The following UBE2K variants were observed in gnomAD, a reference collection of about 807,000 sequenced individuals.
The protein encoded by UBE2K is ubiquitin-conjugating enzyme E2 K.
UBE2K carries 6 observed loss-of-function variants against 30.0 expected under a neutral mutation model. The ratio of observed to expected loss-of-function variants is 0.20; its 90% CI spans 0.11 to 0.39. The LOEUF is 0.39. Among genes scored for constraint, UBE2K ranks in the 10% least tolerant of loss-of-function variants. UBE2K has a pLI of 1.00. For synonymous variants in UBE2K, 86 were observed against 83.7 expected, an observed-to-expected ratio of 1.03 and a Z score of -0.15; for missense variants, 61 against 241.6, an observed-to-expected ratio of 0.25 and a Z score of 4.96.
intron 1 of UBE2K, among the ~76,000 whole-genome samples, chr4:39,702,922 C>A (rs1718117477): frequency 1.3e-5 from 2 of 152,070 alleles, no homozygotes; most frequent in Non-Finnish European, 2.9e-5. Flanking sequence ...CAGCGCATGT[C>A]CCCACTATCT....
In UBE2K at chr4:39,733,332, A is replaced by ATTTT. The variant is rs34069872; in HGVS notation, c.64-4072_64-4069dup. ...ATTAATTTTGTAAAATCGGGCTTTA[A>ATTTT]TTTTTTTTTTTTTTTTTTTGAGACA... On this transcript the variant is annotated intron_variant, in intron 1 of 6. Transcript: ENST00000261427. Among the ~76,000 whole-genome samples, 34 of 128,996 alleles carry ATTTT rather than the reference A, an allele frequency of 2.6e-4. 1 individual carries two copies. The highest frequency in any genetic ancestry group is 3.8e-3 in the Middle Eastern group (1 of 260). 84.6% of individuals were successfully genotyped at this position (128,996 alleles called of 152,430 possible).
chr4:39,710,933 A>G (rs982318253), intron 1 of UBE2K, among the ~76,000 whole-genome samples: 15 of 152,066 alleles, frequency 9.9e-5, no homozygotes, highest in African/African-American at 3.6e-4. Context: ...ACTGTAAAAC[A>G]TAGAGGTAAA....
At chr4:39,746,568 A>G (rs564001251) in intron 3 of UBE2K, among the ~76,000 whole-genome samples, 2 of 152,304 alleles carry the variant, frequency 1.3e-5, no homozygotes, top group African/African-American at 4.8e-5. Flanking sequence ...TTCCCTGAAT[A>G]AAGTCTAAAC....
At chr4:39,727,927 C>G (rs1719843973) in intron 1 of UBE2K, among the ~76,000 whole-genome samples, 1 of 151,858 alleles carries the variant, frequency 6.6e-6, no homozygotes, top group African/African-American at 2.4e-5. Flanking sequence ...GTCAGGAGTT[C>G]GAGACCAGCC....
In UBE2K at chr4:39,707,240, TCTCA is replaced by T. The variant is rs577730607; in HGVS notation, c.63+8854_63+8857del. ...TTGTTTTGTTTTGTTTGAGATGGAATCTCACTCTCTCACCCAGGCTGGAGTGCGG... is the reference window on the plus strand; with the variant it reads ...TTGTTTTGTTTTGTTTGAGATGGAATCTCTCTCACCCAGGCTGGAGTGCGG... On this transcript the variant is annotated intron_variant, in intron 1 of 6. Transcript: ENST00000261427. Among the ~76,000 whole-genome samples, 16 of 151,488 alleles carry T rather than the reference TCTCA, an allele frequency of 1.1e-4. No individual in the cohort carries two copies. In the South Asian group the frequency reaches 3.3e-3, roughly 32 times the overall value.
At position 39,726,142 on chromosome 4, in the gene UBE2K, A is replaced by G. The variant is rs1403629095; in HGVS notation, c.64-11278A>G. 2.0e-5 allele frequency among the ~76,000 whole-genome samples: 3 copies of G among 151,998 alleles called. No homozygotes were observed. The East Asian group carries it at 5.8e-4, about 30-fold the overall frequency. On this transcript the variant is annotated intron_variant, in intron 1 of 6. Transcript: ENST00000261427. Reference sequence around the variant, plus strand: ...TTGGTGTTCCTTGGCTTGTAGATGCATCACCCCAATAATCTGTCTTTATGT... The same window carrying G: ...TTGGTGTTCCTTGGCTTGTAGATGCGTCACCCCAATAATCTGTCTTTATGT...
chr4:39,725,453 G>C (rs1031997955), intron 1 of UBE2K, among the ~76,000 whole-genome samples: 5 of 147,294 alleles, frequency 3.4e-5, no homozygotes, highest in Non-Finnish European at 3.0e-5. Flanking sequence ...GTCTTTTAGT[G>C]AATCTGTGTA....
intron 1 of UBE2K, among the ~76,000 whole-genome samples, chr4:39,700,773 T>C (rs905676959): frequency 3.3e-5 from 5 of 152,222 alleles, no homozygotes; most frequent in Non-Finnish European, 7.3e-5. Context: ...TAAGGACTTT[T>C]TGGGGTGGCC....
Position 39,745,876 on chromosome 4 carries a change from A to G in UBE2K, c.216+66A>G, listed in dbSNP as rs572729799. The G allele has an allele frequency of 1.1e-5, 14 of 1,231,910 alleles. No homozygotes were observed. The East Asian group carries it at 2.8e-4, about 25-fold the overall frequency. 76.3% of individuals were successfully genotyped at this position (1,231,910 alleles called of 1,614,324 possible). On this transcript the variant is annotated intron_variant, in intron 3 of 6. Coordinates refer to ENST00000261427, the MANE Select transcript of UBE2K (RefSeq NM_005339.5). ...TTTATATTTCTGACCTCATTTTATT[A>G]ATATATATTTTAGGGCTTATTAAAG...
chr4:39,718,285 T>G (rs1199056824), intron 1 of UBE2K, among the ~76,000 whole-genome samples: 1 of 152,124 alleles, frequency 6.6e-6, no homozygotes, highest in Admixed American at 6.6e-5. Flanking sequence ...AGATACAGAG[T>G]GTCGATTGCT....
At chr4:39,722,955 C>T (rs967910820) in intron 1 of UBE2K, among the ~76,000 whole-genome samples, 37 of 151,878 alleles carry the variant, frequency 2.4e-4, no homozygotes, top group African/African-American at 6.8e-4. Flanking sequence ...ACCACCACAC[C>T]CGGCTAATTT....
At position 39,769,537 on chromosome 4, in the gene UBE2K, G is replaced by A. The variant is rs555094563; in HGVS notation, c.300-5297G>A. Among the ~76,000 whole-genome samples, 147 of 151,784 alleles carry A rather than the reference G, an allele frequency of 9.7e-4. 3 individuals carry two copies. Among genetic ancestry groups the A allele is most frequent in the South Asian group, 8.3e-3 (40 of 4,802 alleles). On this transcript the variant is annotated intron_variant, in intron 4 of 6. Coordinates refer to ENST00000261427, the MANE Select transcript of UBE2K (RefSeq NM_005339.5). ...AATTTCAGCAAGCCTCATACTTGCA[G>A]TCTCATTTCGCCAGCATGCAAGAAC...
chr4:39,704,078 C>T (rs916369215), intron 1 of UBE2K, among the ~76,000 whole-genome samples: 5 of 150,772 alleles, frequency 3.3e-5, no homozygotes, highest in South Asian at 2.1e-4. Flanking sequence ...ATGAATGTAA[C>T]GAGAATTTGA....
chr4:39,757,011 G>GTTTTTTTTTTTTTTTTTTTTTTT (rs1354761879), intron 4 of UBE2K, among the ~76,000 whole-genome samples: 4 of 76,824 alleles, frequency 5.2e-5, no homozygotes, highest in Non-Finnish European at 7.6e-5. Flanking sequence ...TTTTTTTTTT[G>GTTTTTTTTTTTTTTTTTTTTTTT]TTTTTTGTTT....
rs187932422 is a variant in UBE2K, at chr4:39,779,079, T to C, written c.*645T>C. The C allele has an allele frequency of 8.8e-6, 1 of 113,364 alleles. No homozygotes were observed. Among genetic ancestry groups the C allele is most frequent in the Admixed American group, 1.4e-4 (1 of 7,142 alleles). 7.0% of individuals were successfully genotyped at this position (113,364 alleles called of 1,614,324 possible). On this transcript the variant is annotated 3_prime_UTR_variant, in exon 7 of 7. Coordinates refer to ENST00000261427, the MANE Select transcript of UBE2K (RefSeq NM_005339.5). Reference sequence around the variant, plus strand: ...CCCGCCTTGCCACACACAGCTAATATTCTAATGGTAAATTTCTCTGTATCA... The same window carrying C: ...CCCGCCTTGCCACACACAGCTAATACTCTAATGGTAAATTTCTCTGTATCA...
rs564599354 is a variant in UBE2K at position 39,771,037 on chromosome 4, T to C, written c.300-3797T>C. ...GCTAGCCTCACGGACCCCATCCTCT[T>C]TGAGGCCTATTTTGGGCTCAGTGAA... On this transcript the variant is annotated intron_variant, in intron 4 of 6. Coordinates refer to ENST00000261427, the MANE Select transcript of UBE2K (RefSeq NM_005339.5). 6.8e-6 allele frequency: 11 copies of C among 1,612,272 alleles called. No homozygotes were observed. In the East Asian group the frequency reaches 1.8e-4, roughly 26 times the overall value.
chr4:39,722,247 A>G (rs1464339019), intron 1 of UBE2K, among the ~76,000 whole-genome samples: 1 of 152,166 alleles, frequency 6.6e-6, no homozygotes, highest in African/African-American at 2.4e-5. Context: ...TCTCATTAAT[A>G]CTGAAAATCC....
intron 2 of UBE2K, among the ~76,000 whole-genome samples, chr4:39,744,590 T>C (rs1331105631): frequency 6.6e-6 from 1 of 152,040 alleles, no homozygotes; most frequent in Admixed American, 6.6e-5. Flanking sequence ...TGGTAAAATT[T>C]TGCATTTTAT....
chr4:39,777,866 A>C, intron 6 of UBE2K, 56 bp downstream of exon 6: 1 of 1,352,300 alleles, frequency 7.4e-7, no homozygotes, highest in South Asian at 2.4e-5. Flanking sequence ...AAATTATTGC[A>C]AATTCTTGGC....
Sources: allele counts gnomAD v4.1 joint callset (sites outside exome capture counted in the v4.1 genomes callset), GRCh38; gene constraint gnomAD v4.1.1; transcripts MANE v1.5; gene names NCBI Gene and HGNC (gene_info 2026-07-23, HGNC 2026-07-21).